GTF3C2: variants seen among roughly 807,000 people sequenced by gnomAD.
GTF3C2 encodes general transcription factor 3C polypeptide 2.
In GTF3C2, 17 loss-of-function variants were observed where a neutral mutation model predicts 117.4. That is an observed-to-expected ratio of 0.14 (90% CI 0.10 to 0.22). The LOEUF (loss-of-function observed/expected upper bound fraction) is 0.22. GTF3C2 is among the 10% of genes least tolerant of loss of function. GTF3C2 has a pLI of 1.00. For missense variants in GTF3C2, 888 were observed against 1,143.6 expected (o/e 0.78, Z 3.22); for synonymous variants, 437 against 427.0 (o/e 1.02, Z -0.29).
intron 14 of GTF3C2, 39 bp from the exon 15 acceptor site, chr2:27,328,970 TAG>T: frequency 6.7e-7 from 1 of 1,500,088 alleles, no homozygotes; most frequent in Non-Finnish European, 9.3e-7. Context: ...TCCTTTTCTT[TAG>T]ATTCATTTCT....
intron 12 of GTF3C2, among the ~76,000 whole-genome samples, chr2:27,330,621 A>G (rs1271950652): frequency 2.0e-5 from 3 of 151,982 alleles, no homozygotes; most frequent in African/African-American, 4.8e-5. Flanking sequence ...CTTGCACCCA[A>G]GAGTTTGAGA....
chr2:27,338,365 G>C, intron 4 of GTF3C2: 1 of 278,828 alleles, frequency 3.6e-6, no homozygotes, highest in South Asian at 4.1e-5. Flanking sequence ...TTCCTTCACA[G>C]GTTCTCCCTT....
rs73921513 is a variant in GTF3C2, at chr2:27,355,650, C to G, written c.-25+1089G>C. Among the ~76,000 whole-genome samples, 1,306 of 152,242 alleles carry G rather than the reference C, an allele frequency of 8.6e-3. 21 individuals are homozygous for G. The highest frequency in any genetic ancestry group is 0.029 in the African/African-American group (1,214 of 41,528). On this transcript the variant is annotated intron_variant, in intron 1 of 18. Transcript: ENST00000264720. ...GTTTCTAAAACCTTCCATTGCACCCCAATCTGTCTGGTTCCCATGCTGCTC... is the reference window on the plus strand; with the variant it reads ...GTTTCTAAAACCTTCCATTGCACCCGAATCTGTCTGGTTCCCATGCTGCTC...
At chr2:27,342,827 C>A in exon 3 of GTF3C2, 1 of 1,611,722 alleles carries the variant, frequency 6.2e-7, no homozygotes, top group Non-Finnish European at 8.5e-7. Flanking sequence ...AATCCTTACA[C>A]TTGGGCAGCC....
chr2:27,352,306 C>T (rs1681166345), intron 1 of GTF3C2, among the ~76,000 whole-genome samples: 1 of 152,138 alleles, frequency 6.6e-6, no homozygotes, highest in African/African-American at 2.4e-5. Flanking sequence ...ACATGCTCTC[C>T]CCCTACACAT....
chr2:27,338,775 C>T (rs148405719), intron 4 of GTF3C2, among the ~76,000 whole-genome samples: 3 of 152,020 alleles, frequency 2.0e-5, no homozygotes, highest in African/African-American at 7.2e-5. Flanking sequence ...TGGGCTCAAG[C>T]GATCCCTCCC....
intron 1 of GTF3C2, among the ~76,000 whole-genome samples, chr2:27,345,339 T>A (rs1333765739): frequency 6.6e-6 from 1 of 152,150 alleles, no homozygotes; most frequent in Non-Finnish European, 1.5e-5. Context: ...ACACCTGTAA[T>A]CCCAGCACTT....
chr2:27,355,341 T>G (rs1404424355), intron 1 of GTF3C2, among the ~76,000 whole-genome samples: 1 of 152,022 alleles, frequency 6.6e-6, no homozygotes, highest in African/African-American at 2.4e-5. Context: ...ACCAACATGG[T>G]AAAACCCCGT....
rs142056586 is a variant in GTF3C2, at chr2:27,328,219, A to G, written c.2257-30T>C. ...AAAGGAGACCATGAAATTAGGTTCTATAATACTCAAGACAGAATAAAAGCA... is the reference window on the plus strand; with the variant it reads ...AAAGGAGACCATGAAATTAGGTTCTGTAATACTCAAGACAGAATAAAAGCA... On this transcript the variant is annotated intron_variant, in intron 16 of 18. Transcript: ENST00000264720. 2,858 of 1,517,436 alleles carry G rather than the reference A, an allele frequency of 1.9e-3. 46 individuals are homozygous for G. In the African/African-American group the frequency reaches 0.036, roughly 19 times the overall value. 94.0% of individuals were successfully genotyped at this position (1,517,436 alleles called of 1,614,324 possible).
intron 1 of GTF3C2, 142 bp from the exon 2 acceptor site, chr2:27,343,720 A>G: frequency 1.5e-6 from 1 of 674,570 alleles, no homozygotes; most frequent in South Asian, 1.9e-5. Flanking sequence ...ATATTTACTA[A>G]GCACCTTCTA....
intron 3 of GTF3C2, 82 bp downstream of exon 3, chr2:27,342,744 C>A: frequency 9.7e-7 from 1 of 1,034,962 alleles, no homozygotes. Context: ...AATACCTCAT[C>A]AGTCTTCTCT....
At chr2:27,352,089 C>G (rs910838332) in intron 1 of GTF3C2, among the ~76,000 whole-genome samples, 1 of 152,184 alleles carries the variant, frequency 6.6e-6, no homozygotes, top group Non-Finnish European at 1.5e-5. Context: ...GCCACTATCC[C>G]TTGATCTCTC....
At chr2:27,335,345 G>A in intron 10 of GTF3C2, 1 of 622,192 alleles carries the variant, frequency 1.6e-6, no homozygotes. Context: ...GCAAGAGGGG[G>A]AAAGTCTTGA....
chr2:27,345,254 A>C (rs572540040), intron 1 of GTF3C2, among the ~76,000 whole-genome samples: 1 of 152,222 alleles, frequency 6.6e-6, no homozygotes, highest in Admixed American at 6.5e-5. Flanking sequence ...TGGGCAACAA[A>C]GCAACACCGT....
At chr2:27,335,766 G>A in intron 9 of GTF3C2, 60 bp from the exon 10 acceptor site, 2 of 1,222,776 alleles carry the variant, frequency 1.6e-6, no homozygotes, top group Non-Finnish European at 2.4e-6. Context: ...GAAAACCTTT[G>A]AGGTTCTAGT....
At chr2:27,349,144 A>ATTTTTTTTTT (rs36040548) in intron 1 of GTF3C2, among the ~76,000 whole-genome samples, 1 of 39,218 alleles carries the variant, frequency 2.5e-5, no homozygotes, top group Non-Finnish European at 6.6e-5. Context: ...GCCTGATTTG[A>ATTTTTTTTTT]TTTTTTTTTT....
chr2:27,345,358 T>TG (rs1367760032), intron 1 of GTF3C2, among the ~76,000 whole-genome samples: 9 of 152,228 alleles, frequency 5.9e-5, no homozygotes, highest in African/African-American at 2.2e-4. Flanking sequence ...TTTGAAAGGC[T>TG]GAGGCAGGCG....
chr2:27,354,739 T>G (rs955326449), intron 1 of GTF3C2, among the ~76,000 whole-genome samples: 1 of 152,016 alleles, frequency 6.6e-6, no homozygotes, highest in Non-Finnish European at 1.5e-5. Context: ...CCAGCCTGAG[T>G]GACAGAGGAA....
intron 10 of GTF3C2, among the ~76,000 whole-genome samples, 187 bp from the exon 11 acceptor site, chr2:27,334,186 T>C (rs1490189594): frequency 1.3e-5 from 2 of 149,118 alleles, no homozygotes; most frequent in Non-Finnish European, 3.0e-5. Flanking sequence ...CCACCATGCC[T>C]AGCCAGGCCT....
Sources: allele counts gnomAD v4.1 joint callset (sites outside exome capture counted in the v4.1 genomes callset), GRCh38; gene constraint gnomAD v4.1.1; transcripts MANE v1.5; gene names NCBI Gene and HGNC (gene_info 2026-07-23, HGNC 2026-07-21).